Variants in MAP3K15 observed in about 807,000 individuals in gnomAD.
MAP3K15 encodes the protein MAPK/ERK kinase kinase 15.
In MAP3K15, 124 loss-of-function variants were observed where a neutral mutation model predicts 99.5. The ratio of observed to expected loss-of-function variants is 1.25; its 90% CI spans 1.08 to 1.45. The LOEUF (loss-of-function observed/expected upper bound fraction) is 1.45, where lower values mean the gene tolerates loss of function less well. MAP3K15 is among the 40% of genes most tolerant of loss of function. MAP3K15 has a pLI of 0.00. For synonymous variants in MAP3K15, 494 were observed against 439.6 expected, an observed-to-expected ratio of 1.12 and a Z score of -1.55; for missense variants, 1,242 against 1,079.7, an observed-to-expected ratio of 1.15 and a Z score of -2.11.
intron 6 of MAP3K15, among the ~76,000 whole-genome samples, chrX:19,442,679 A>G (rs745900333): frequency 4.7e-5 from 5 of 105,757 alleles, no homozygotes; most frequent in African/African-American, 1.7e-4. Context: ...ATGTATTACC[A>G]TGCCTGGCTT....
At chrX:19,361,076 C>T (rs925469441) in intron 28 of MAP3K15, 4 of 415,309 alleles carry the variant, frequency 9.6e-6, no homozygotes, top group East Asian at 8.0e-5. Flanking sequence ...GTGGGTCCAG[C>T]GTGCAGGCAC....
chrX:19,483,266 A>T (rs1308696844), intron 3 of MAP3K15, among the ~76,000 whole-genome samples: 2 of 109,561 alleles, frequency 1.8e-5, no homozygotes, highest in African/African-American at 6.7e-5. Context: ...TCAAAAAAAA[A>T]AAAAAAAAAG....
chrX:19,482,655 G>C (rs1270627218), intron 3 of MAP3K15, among the ~76,000 whole-genome samples: 1 of 111,839 alleles, frequency 8.9e-6, no homozygotes, highest in Non-Finnish European at 1.9e-5. Flanking sequence ...TCTAAAACTA[G>C]ACTGTGGTAC....
At position 19,363,642 on chromosome X, in the gene MAP3K15, C is replaced by A. The variant is rs1002820216; in HGVS notation, c.3567-792G>T. On this transcript the variant is annotated intron_variant, in intron 25 of 28. Coordinates refer to ENST00000338883, the MANE Select transcript of MAP3K15 (RefSeq NM_001001671.4). Reference sequence around the variant, plus strand: ...ACGAAGGGGACAGAAGCCCCTGCTTCTTATTTTGTTTTTGTTTTTTTTTTT... The same window carrying A: ...ACGAAGGGGACAGAAGCCCCTGCTTATTATTTTGTTTTTGTTTTTTTTTTT... 5.9e-5 allele frequency among the ~76,000 whole-genome samples: 6 copies of A among 101,086 alleles called. No homozygotes were observed. The Admixed American group carries it at 6.1e-4, about 10-fold the overall frequency. The allele number at this position is 101,086 out of a possible 115,157, so 87.8% of individuals were successfully genotyped here.
chrX:19,477,723 G>A (rs868131352), intron 3 of MAP3K15, among the ~76,000 whole-genome samples: 3 of 39,823 alleles, frequency 7.5e-5, no homozygotes, highest in East Asian at 8.8e-4. Context: ...AAAAAAAAAA[G>A]AAGAAAAGAA....
chrX:19,458,980 C>T (rs1017313748), intron 5 of MAP3K15, among the ~76,000 whole-genome samples: 1 of 111,921 alleles, frequency 8.9e-6, no homozygotes, highest in African/African-American at 3.2e-5. Context: ...ATTTCCTTCA[C>T]GGAACCACAG....
intron 3 of MAP3K15, among the ~76,000 whole-genome samples, 191 bp downstream of exon 3, chrX:19,486,291 C>G (rs991423887): frequency 8.9e-6 from 1 of 111,899 alleles, no homozygotes; most frequent in African/African-American, 3.2e-5. Context: ...CCCACTGCCT[C>G]AATGGCTGAG....
At chrX:19,502,229 G>A (rs1376838630) in intron 1 of MAP3K15, among the ~76,000 whole-genome samples, 3 of 109,008 alleles carry the variant, frequency 2.8e-5, no homozygotes, top group African/African-American at 6.7e-5. Context: ...ACAGGTGGGG[G>A]TGGGGACTGA....
intron 14 of MAP3K15, 94 bp from the exon 15 acceptor site, chrX:19,398,453 TA>T: frequency 1.0e-6 from 1 of 953,732 alleles, no homozygotes; most frequent in Non-Finnish European, 1.5e-6. Flanking sequence ...CTAAAAAAAA[TA>T]TAAATAACAT....
chrX:19,436,458 C>T (rs1410926716), intron 6 of MAP3K15, among the ~76,000 whole-genome samples: 3 of 111,295 alleles, frequency 2.7e-5, no homozygotes, highest in African/African-American at 6.5e-5. Context: ...TGGAGTGTCC[C>T]TTGGCAGTAC....
intron 22 of MAP3K15, among the ~76,000 whole-genome samples, chrX:19,372,220 A>T (rs2063380935): frequency 9.0e-6 from 1 of 111,279 alleles, no homozygotes; most frequent in South Asian, 3.8e-4. Context: ...GCCCTAGTTC[A>T]AAATCAGTTA....
intron 26 of MAP3K15, 31 bp downstream of exon 26, chrX:19,362,707 T>G (rs970857859): frequency 1.1e-6 from 1 of 872,340 alleles, no homozygotes; most frequent in African/African-American, 2.0e-5. Flanking sequence ...TAGCTAGATG[T>G]TAAAGTCTGT....
chrX:19,413,113 T>TAC (rs377362996), intron 11 of MAP3K15, among the ~76,000 whole-genome samples: 12,470 of 98,503 alleles, frequency 0.13, 783 homozygotes, highest in Middle Eastern at 0.2. Context: ...AATGTTTTTA[T>TAC]ACACACACAC....
intron 1 of MAP3K15, among the ~76,000 whole-genome samples, chrX:19,506,340 G>T (rs1341894232): frequency 9.0e-6 from 1 of 110,833 alleles, no homozygotes; most frequent in Non-Finnish European, 1.9e-5. Context: ...AAAGAGCTGG[G>T]ATTAGAGGCG....
chrX:19,377,994 G>A (rs1334181513), intron 19 of MAP3K15, among the ~76,000 whole-genome samples: 2 of 112,229 alleles, frequency 1.8e-5, no homozygotes, highest in African/African-American at 6.5e-5. Context: ...CCGGGCTGGA[G>A]AGAGCAGCCA....
intron 1 of MAP3K15, among the ~76,000 whole-genome samples, chrX:19,507,149 A>T (rs2064482802): frequency 8.9e-6 from 1 of 111,864 alleles, no homozygotes; most frequent in South Asian, 3.8e-4. Flanking sequence ...CCACCTAACT[A>T]TTCTAAGAGT....
In MAP3K15 at chrX:19,416,809, G is replaced by A. The variant is rs747117408; in HGVS notation, c.1440-1552C>T. The stretch of plus-strand genomic sequence containing the variant: ...GCTTCCAGTCAACAGTAGGCTATTC[G>A]TAGTTAAGTTTTTGGTGAATTTTCA... On this transcript the variant is annotated intron_variant, in intron 9 of 28. Coordinates refer to ENST00000338883, the MANE Select transcript of MAP3K15 (RefSeq NM_001001671.4). 4.5e-5 allele frequency among the ~76,000 whole-genome samples: 5 copies of A among 112,027 alleles called. No homozygotes were observed. The South Asian group carries it at 1.1e-3, about 25-fold the overall frequency.
intron 1 of MAP3K15, among the ~76,000 whole-genome samples, chrX:19,503,182 C>T (rs1351924464): frequency 8.9e-6 from 1 of 111,995 alleles, no homozygotes; most frequent in East Asian, 2.8e-4. Flanking sequence ...GGGGATTTTA[C>T]TCATCCATGT....
At chrX:19,363,758 T>G (rs2063315037) in intron 25 of MAP3K15, among the ~76,000 whole-genome samples, 2 of 109,737 alleles carry the variant, frequency 1.8e-5, no homozygotes, top group African/African-American at 6.7e-5. Flanking sequence ...GTTCAGGCAA[T>G]TCTCCTGCCT....
Sources: gnomAD v4.1 joint callset for allele counts (sites outside exome capture counted in the v4.1 genomes callset) on GRCh38, gnomAD v4.1.1 for gene constraint, MANE v1.5 for transcripts, NCBI Gene and HGNC (gene_info 2026-07-23, HGNC 2026-07-21) for gene names.